ISYNA1: variants seen among roughly 807,000 people sequenced by gnomAD.
The protein encoded by ISYNA1 is MI-1-P synthase.
Under a neutral mutation model 50.3 loss-of-function variants are expected in ISYNA1, and 34 were observed. The ratio of observed to expected loss-of-function variants is 0.68; its 90% CI spans 0.51 to 0.90. The LOEUF is 0.90. Ranked by LOEUF, ISYNA1 falls within the 40% of genes least tolerant of loss-of-function variation. ISYNA1 has a pLI of 0.00. For missense variants in ISYNA1, 718 were observed against 784.8 expected (o/e 0.91, Z 1.02); for synonymous variants, 396 against 349.9 (o/e 1.13, Z -1.47).
At position 18,434,498 on chromosome 19, in the gene ISYNA1, C is replaced by A. The variant is rs149055028; in HGVS notation, c.*415G>T. The A allele has an allele frequency of 1.4e-6, 1 of 736,660 alleles. No homozygotes were observed. The highest frequency in any genetic ancestry group is 3.6e-5 in the Admixed American group (1 of 27,542). 45.6% of individuals were successfully genotyped at this position (736,660 alleles called of 1,614,324 possible). On this transcript the variant is annotated 3_prime_UTR_variant, in exon 11 of 11. Coordinates refer to ENST00000338128, the MANE Select transcript of ISYNA1 (RefSeq NM_016368.5). ...AGAGAGAAAGGCTCTTTGGGGGGCC[C>A]CTCTCCCCAGGACGTCAGGGGGTGG...
intron 3 of ISYNA1, 57 bp from the exon 4 acceptor site, chr19:18,437,162 C>T: frequency 7.3e-6 from 11 of 1,514,278 alleles, no homozygotes; most frequent in Non-Finnish European, 9.7e-6. Context: ...GGGCCGCGAC[C>T]CGGCCTGGGC....
rs1190072234 is a variant in ISYNA1, at chr19:18,435,420, C to A, written c.1318G>T (p.Val440Leu). 2 of 1,610,824 alleles carry A rather than the reference C, an allele frequency of 1.2e-6. No individual in the cohort carries two copies. The highest frequency in any genetic ancestry group is 1.7e-5 in the Admixed American group (1 of 60,026). ...LALLTELCQR[V>L]SFCTDMDPEP... ...GGGTCCATGTCAGTGCAGAAGCTCA[C>A]GCGCTGGCACAGCTCGGTCAGCAGC... The change falls in exon 10 of 11, where the codon GTG (valine) becomes TTG (leucine). Residue 440 changes from valine (V) to leucine (L), a missense_variant. By Grantham distance (32) the Val-to-Leu change is conservative (BLOSUM62 1). This residue lies in a region of ISYNA1 where 305 missense variants were observed against 292.6 expected (regional missense o/e 1.04). Transcript: ENST00000338128.
In ISYNA1 at chr19:18,436,447, G is replaced by A. The variant is rs1974042946; in HGVS notation, c.642C>T (p.Phe214=). The A allele has an allele frequency of 6.2e-7, 1 of 1,607,966 alleles. No homozygotes were observed. Among genetic ancestry groups the A allele is most frequent in the Admixed American group, 1.7e-5 (1 of 59,798 alleles). Residue 214 remains phenylalanine (F), a synonymous_variant, in exon 6 of 11, where the codon TTC becomes TTT. Transcript: ENST00000338128. ...LEQIRRDIRD[F]RSSAGLDKVI... ...CTTTGTCCAGCCCCGCGCTAGACCG[G>A]AAGTCTCGGATGTCCCTGCGGATCT...
Position 18,435,734 on chromosome 19 carries a change from G to A in ISYNA1, c.1140+23C>T, listed in dbSNP as rs368894363. The A allele has an allele frequency of 4.7e-4, 760 of 1,607,562 alleles. 7 individuals carry two copies. The highest frequency in any genetic ancestry group is 8.2e-4 in the Admixed American group (49 of 59,836). The stretch of plus-strand genomic sequence containing the variant: ...GCCACCCCTCGCCGGGCAACCCCGC[G>A]CCCGCGCCCGCGCCCCACGCACGCA... On this transcript the variant is annotated intron_variant, in intron 8 of 10. Transcript: ENST00000338128.
Position 18,435,737 on chromosome 19 carries a change from C to T in ISYNA1, c.1140+20G>A. The T allele has an allele frequency of 1.2e-6, 2 of 1,611,084 alleles. No individual in the cohort carries two copies. The highest frequency in any genetic ancestry group is 1.1e-5 in the South Asian group (1 of 91,026). ...ACCCCTCGCCGGGCAACCCCGCGCC[C>T]GCGCCCGCGCCCCACGCACGCAGTG... On this transcript the variant is annotated intron_variant, in intron 8 of 10. Coordinates refer to ENST00000338128, the MANE Select transcript of ISYNA1 (RefSeq NM_016368.5).
rs758082611 is a variant in ISYNA1, at chr19:18,435,783, T to C, written c.1114A>G (p.Thr372Ala). The C allele has an allele frequency of 6.2e-6, 10 of 1,613,544 alleles. No homozygotes were observed. The highest frequency in any genetic ancestry group is 7.6e-6 in the Non-Finnish European group (9 of 1,179,898). ...CAGTGGTCAGGCTCTTCGCCGGGCGTATAGAGCACTGGGTTGCTCTGCACC... is the reference window on the plus strand; with the variant it reads ...CAGTGGTCAGGCTCTTCGCCGGGCGCATAGAGCACTGGGTTGCTCTGCACC... ...DMVQSNPVLY[T>A]PGEEPDHCVV... Residue 372 changes from threonine to alanine, a missense_variant, in exon 8 of 11, where the codon ACG becomes GCG. Physicochemically the swap from Thr to Ala is moderately conservative, Grantham distance 58. Transcript: ENST00000338128.
chr19:18,436,804 C>T lies in ISYNA1; in HGVS notation c.489G>A (p.Glu163=), dbSNP rs148517966. The change falls in exon 5 of 11, where the codon GAG becomes GAA. Residue 163 remains glutamate (E), a synonymous_variant. Coordinates refer to ENST00000338128, the MANE Select transcript of ISYNA1 (RefSeq NM_016368.5). ...GGGCCTCCATGTGCGGCCACAGTTG[C>T]TCCTGCAGCCCCCAGTCCAGCACCT... ...RAKVLDWGLQ[E]QLWPHMEALR... 3 of 1,585,746 alleles carry T rather than the reference C, an allele frequency of 1.9e-6. No homozygotes were observed. Among genetic ancestry groups the T allele is most frequent in the Non-Finnish European group, 2.6e-6 (3 of 1,169,582 alleles).
At chr19:18,437,495 C>CCA in intron 3 of ISYNA1, 104 bp downstream of exon 3, 1 of 383,916 alleles carries the variant, frequency 2.6e-6, no homozygotes, top group Non-Finnish European at 4.3e-6. Flanking sequence ...CCACCCCCTA[C>CCA]AGCCCCCCTG....
At chr19:18,435,996 C>A in intron 7 of ISYNA1, 36 bp downstream of exon 7, 1 of 1,612,642 alleles carries the variant, frequency 6.2e-7, no homozygotes, top group Non-Finnish European at 8.5e-7. Flanking sequence ...GCCCAGGCCC[C>A]CTTCCTGCAC....
chr19:18,437,898 G>C lies in ISYNA1; in HGVS notation c.82C>G (p.Arg28Gly). ...CCCTCGCGGCTGACGCGCGTCGTCCGGTACTCGTATTGCGCCTCGATGGCC... is the reference window on the plus strand; with the variant it reads ...CCCTCGCGGCTGACGCGCGTCGTCCCGTACTCGTATTGCGCCTCGATGGCC... ...PEAIEAQYEY[R>G]TTRVSREGGV... is the part of the protein sequence containing the mutation. Residue 28 changes from arginine to glycine, a missense_variant, in exon 2 of 11, where the codon CGG (arginine) becomes GGG (glycine). Arg to Gly is a moderately radical substitution (Grantham distance 125, BLOSUM62 -2). Transcript: ENST00000338128. 6.2e-7 allele frequency: 1 copy of C among 1,612,034 alleles called. No homozygotes were observed.
At chr19:18,437,472 GC>G in intron 3 of ISYNA1, 126 bp downstream of exon 3, 1 of 680,720 alleles carries the variant, frequency 1.5e-6, no homozygotes, top group Non-Finnish European at 1.8e-6. Flanking sequence ...GCAGCCCCTC[GC>G]CCCGCGGAAC....
rs1159918043 is a variant in ISYNA1, at chr19:18,435,500, T to TC, written c.1255-18dup. 1 of 1,607,652 alleles carries TC rather than the reference T, an allele frequency of 6.2e-7. No homozygotes were observed. Among genetic ancestry groups the TC allele is most frequent in the Admixed American group, 1.7e-5 (1 of 59,840 alleles). On this transcript the variant is annotated splice_polypyrimidine_tract_variant and intron_variant, in intron 9 of 10. Coordinates refer to ENST00000338128, the MANE Select transcript of ISYNA1 (RefSeq NM_016368.5). The stretch of plus-strand genomic sequence containing the variant: ...CAGCGAGTCCTGCGGGGCGGGTGGG[T>TC]CAGGAGATGGGGGCGGTGGCCAAGC...
chr19:18,437,041 C>T lies in ISYNA1; in HGVS notation c.347G>A (p.Gly116Asp), dbSNP rs1974085792. 6.2e-7 allele frequency: 1 copy of T among 1,607,230 alleles called. No individual in the cohort carries two copies. Among genetic ancestry groups the T allele is most frequent in the Non-Finnish European group, 8.5e-7 (1 of 1,178,440 alleles). The change falls in exon 4 of 11, where the codon GGC (glycine) becomes GAC (aspartate). Residue 116 changes from glycine to aspartate, a missense_variant. Transcript: ENST00000338128. ...GCTGAAGGGTACGAACACCTCCTGG[C>T]CCTCGGCGTCCAGGCCCAGGCTCAC... ...GTVSLGLDAE[G>D]QEVFVPFSAV...
At position 18,434,486 on chromosome 19, in the gene ISYNA1, C is replaced by T. The variant is rs979540645; in HGVS notation, c.*427G>A. 3.6e-6 allele frequency: 3 copies of T among 836,830 alleles called. No homozygotes were observed. The highest frequency in any genetic ancestry group is 2.6e-5 in the South Asian group (1 of 38,006). The allele number at this position is 836,830 out of a possible 1,614,324, so 51.8% of individuals were successfully genotyped here. On this transcript the variant is annotated 3_prime_UTR_variant, in exon 11 of 11. Coordinates refer to ENST00000338128, the MANE Select transcript of ISYNA1 (RefSeq NM_016368.5). Reference sequence around the variant, plus strand: ...GTATTTTGTCCCAGAGAGAAAGGCTCTTTGGGGGGCCCCTCTCCCCAGGAC... The same window carrying T: ...GTATTTTGTCCCAGAGAGAAAGGCTTTTTGGGGGGCCCCTCTCCCCAGGAC...
intron 3 of ISYNA1, 67 bp from the exon 4 acceptor site, chr19:18,437,172 C>A (rs1340534273): frequency 1.3e-6 from 2 of 1,510,172 alleles, no homozygotes; most frequent in African/African-American, 1.4e-5. Flanking sequence ...CCGGCCTGGG[C>A]CCCACCTAGA....
chr19:18,435,543 C>T lies in ISYNA1; in HGVS notation c.1254+20G>A. ...GGCCAAGCCCTGCCTCCCATAGCAG[C>T]CCCTGAAGCCGCGCCGCACCTCACA... On this transcript the variant is annotated intron_variant, in intron 9 of 10. Transcript: ENST00000338128. The T allele has an allele frequency of 6.2e-7, 1 of 1,603,544 alleles. No individual in the cohort carries two copies. The highest frequency in any genetic ancestry group is 1.1e-5 in the South Asian group (1 of 90,162).
In ISYNA1 at chr19:18,435,146, C is replaced by G. The variant is rs1207956781; in HGVS notation, c.1473-29G>C. The G allele has an allele frequency of 2.5e-6, 4 of 1,610,306 alleles. No homozygotes were observed. The African/African-American group carries it at 5.3e-5, about 22-fold the overall frequency. ...GAGAGGTCACACAGCTTAGCAGAGC[C>G]AGACACCCACAGGGAGAAAGGGGGG... On this transcript the variant is annotated intron_variant, in intron 10 of 10. Transcript: ENST00000338128.
rs1973870850 is a variant in ISYNA1, at chr19:18,434,680, A to C, written c.*233T>G. On this transcript the variant is annotated 3_prime_UTR_variant, in exon 11 of 11. Transcript: ENST00000338128. ...AGAACTGGGGGCAGAGCGAGGCTCC[A>C]GGTTCTGGGCTCTCCCTGGGAGTTG... 1.7e-6 allele frequency: 1 copy of C among 583,032 alleles called. No homozygotes were observed. The highest frequency in any genetic ancestry group is 1.9e-5 in the African/African-American group (1 of 53,662). 36.1% of individuals were successfully genotyped at this position (583,032 alleles called of 1,614,324 possible).
At chr19:18,435,222 G>T (rs771917347) in intron 10 of ISYNA1, 44 bp downstream of exon 10, 31 of 1,597,514 alleles carry the variant, frequency 1.9e-5, no homozygotes, top group African/African-American at 5.4e-5. Flanking sequence ...CTTAGCCAGG[G>T]GGGTATCTGG....
Sources: allele counts gnomAD v4.1 joint callset, GRCh38; gene constraint gnomAD v4.1.1; regional missense constraint gnomAD v4.1.1; transcripts MANE v1.5; gene names NCBI Gene and HGNC (gene_info 2026-07-23, HGNC 2026-07-21).